Variants in HEPHL1 observed in about 807,000 individuals in gnomAD.
HEPHL1 encodes the protein hephaestin like 1.
In HEPHL1, 123 loss-of-function variants were observed where a neutral mutation model predicts 122.0. That is an observed-to-expected ratio of 1.01 (90% CI 0.87 to 1.17). HEPHL1 has a LOEUF of 1.17. Among genes scored for constraint, HEPHL1 ranks in the 50% most tolerant of loss-of-function variants. The pLI is 0.00. For synonymous variants in HEPHL1, 527 were observed against 508.9 expected (o/e 1.04, Z -0.48); for missense variants, 1,452 against 1,430.5 (o/e 1.01, Z -0.24).
intron 12 of HEPHL1, among the ~76,000 whole-genome samples, chr11:94,090,545 C>A (rs1025258424): frequency 2.6e-5 from 4 of 152,128 alleles, no homozygotes; most frequent in Non-Finnish European, 5.9e-5. Flanking sequence ...CATAATTACA[C>A]CTTCCCCTGT....
At chr11:94,046,091 C>CTTCTTTTTT (rs1555059417) in intron 2 of HEPHL1, among the ~76,000 whole-genome samples, 174 bp downstream of exon 2, 1 of 65,048 alleles carries the variant, frequency 1.5e-5, no homozygotes, top group Admixed American at 3.0e-4. Flanking sequence ...CCCTTTCTTG[C>CTTCTTTTTT]TTTTTTTTTT....
Position 94,045,901 on chromosome 11 carries a change from C to T in HEPHL1, c.399C>T (p.Tyr133=). Residue 133 remains tyrosine (Y), a synonymous_variant, in exon 2 of 20, where the codon TAC becomes TAT. Transcript: ENST00000315765. ...CTCTGCATCCACATGGCGTTTTCTA[C>T]AACAAAGATTCAGAAGGTAAATATC... ...PYSLHPHGVF[Y]NKDSEGALYP... 1 of 1,613,632 alleles carries T rather than the reference C, an allele frequency of 6.2e-7. No homozygotes were observed. Among genetic ancestry groups the T allele is most frequent in the Non-Finnish European group, 8.5e-7 (1 of 1,179,758 alleles).
In HEPHL1 at chr11:94,088,959, G is replaced by GGTACCACAGGCGCCGCCGCT. The variant is rs767309329; in HGVS notation, c.2285_2286insGTACCACAGGCGCCGCCGCT (p.Gly763TyrfsTer7). 1.9e-6 allele frequency: 3 copies of GGTACCACAGGCGCCGCCGCT among 1,613,874 alleles called. No homozygotes were observed. The highest frequency in any genetic ancestry group is 1.6e-4 in the Middle Eastern group (1 of 6,084). On this transcript the variant is annotated frameshift_variant, in exon 12 of 20. Transcript: ENST00000315765. LOFTEE classifies it high-confidence loss of function. ...TTCGAAAAGCAGCACGTGGACGCAA[G>GGTACCACAGGCGCCGCCGCT]AGGGGAAAGGTACCACAGGCGCCGC...
chr11:94,108,039 C>T (rs1424720994), intron 17 of HEPHL1, among the ~76,000 whole-genome samples: 1 of 152,194 alleles, frequency 6.6e-6, no homozygotes, highest in East Asian at 1.9e-4. Context: ...TGCACATCCA[C>T]ATATGCAGTT....
At chr11:94,060,095 TATATATATATATATATATATATATATATA>T (rs1565351624) in intron 2 of HEPHL1, among the ~76,000 whole-genome samples, 42,333 of 135,810 alleles carry the variant, frequency 0.31, 9,003 homozygotes, top group South Asian at 0.41. Flanking sequence ...TATTTTATTA[TATATATATATATATATATATATATATATA>T]TATATATATA....
intron 1 of HEPHL1, among the ~76,000 whole-genome samples, chr11:94,045,126 T>C (rs111405804): frequency 0.01 from 1,541 of 152,318 alleles, 27 homozygotes; most frequent in African/African-American, 0.035. Context: ...CAGGCTGGTC[T>C]CAAACTCCTA....
At chr11:94,050,261 G>A (rs914368058) in intron 2 of HEPHL1, among the ~76,000 whole-genome samples, 4 of 152,164 alleles carry the variant, frequency 2.6e-5, no homozygotes, top group South Asian at 2.1e-4. Flanking sequence ...TTCTACATAC[G>A]GACTTAAGCC....
rs1180021021 is a variant in HEPHL1, at chr11:94,070,492, T to C, written c.1182T>C (p.Ala394=). The change falls in exon 6 of 20, where the codon GCT becomes GCC. Residue 394 remains alanine (A), a synonymous_variant. Transcript: ENST00000315765. ...CTGAAAAAATTCTTTGGGATTATGC[T>C]CCTCAAGGCTATAACAAATTCAGTG... ...IAAEKILWDY[A]PQGYNKFSGL... is the part of the protein sequence containing the mutation. The C allele has an allele frequency of 6.2e-7, 1 of 1,611,188 alleles. No individual in the cohort carries two copies. The highest frequency in any genetic ancestry group is 8.5e-7 in the Non-Finnish European group (1 of 1,178,670).
rs907759306 is a variant in HEPHL1 at position 94,111,997 on chromosome 11, A to C, written c.*103A>C. 4.0e-6 allele frequency: 3 copies of C among 758,002 alleles called. No individual in the cohort carries two copies. The highest frequency in any genetic ancestry group is 3.5e-5 in the African/African-American group (2 of 57,160). The allele number at this position is 758,002 out of a possible 1,614,324, so 47.0% of individuals were successfully genotyped here. On this transcript the variant is annotated 3_prime_UTR_variant, in exon 20 of 20. Coordinates refer to ENST00000315765, the MANE Select transcript of HEPHL1 (RefSeq NM_001098672.2). ...AGGCATCACTCACCAAGGAAGGTTG[A>C]CACTGTATCCTGGATCAGCCTTCTG...
At chr11:94,074,224 C>G (rs1315548469) in intron 8 of HEPHL1, among the ~76,000 whole-genome samples, 1 of 152,082 alleles carries the variant, frequency 6.6e-6, no homozygotes, top group Non-Finnish European at 1.5e-5. Context: ...CCCATCCTCA[C>G]CCTCTCTTGC....
intron 12 of HEPHL1, among the ~76,000 whole-genome samples, chr11:94,093,144 G>A (rs928390494): frequency 6.6e-6 from 1 of 151,522 alleles, no homozygotes; most frequent in Non-Finnish European, 1.5e-5. Flanking sequence ...ACACACACAT[G>A]AAGATGCAAG....
At chr11:94,056,022 T>G (rs1039031636) in intron 2 of HEPHL1, 2 of 645,210 alleles carry the variant, frequency 3.1e-6, no homozygotes, top group South Asian at 1.9e-5. Flanking sequence ...CTCTGTTCTT[T>G]AAATTAAGTC....
intron 12 of HEPHL1, among the ~76,000 whole-genome samples, chr11:94,092,728 G>A (rs963759902): frequency 6.6e-6 from 1 of 152,078 alleles, no homozygotes; most frequent in African/African-American, 2.4e-5. Context: ...GAGCTCAACA[G>A]TGTTAATGCT....
rs549311446 is a variant in HEPHL1, at chr11:94,054,642, G to A, written c.415+8725G>A. Among the ~76,000 whole-genome samples, 16 of 152,254 alleles carry A rather than the reference G, an allele frequency of 1.1e-4. 1 individual carries two copies. The South Asian group carries it at 2.9e-3, about 28-fold the overall frequency. On this transcript the variant is annotated intron_variant, in intron 2 of 19. Coordinates refer to ENST00000315765, the MANE Select transcript of HEPHL1 (RefSeq NM_001098672.2). ...TTTTACCCTCAAATCTTCAATCAAC[G>A]ATAGGATGGAGGCTACATGTGTACT...
intron 6 of HEPHL1, among the ~76,000 whole-genome samples, chr11:94,071,704 T>C (rs1299494681): frequency 6.6e-6 from 1 of 152,104 alleles, no homozygotes; most frequent in Non-Finnish European, 1.5e-5. Context: ...AAGTTACAAA[T>C]AAAAGTGAGG....
intron 2 of HEPHL1, among the ~76,000 whole-genome samples, chr11:94,049,212 A>C (rs1051345190): frequency 3.9e-5 from 6 of 152,142 alleles, no homozygotes; most frequent in African/African-American, 1.4e-4. Flanking sequence ...GGTATATTAA[A>C]AAAATGCTCA....
chr11:94,073,273 T>A (rs372472920), intron 7 of HEPHL1, 35 bp from the exon 8 acceptor site: 20 of 1,608,358 alleles, frequency 1.2e-5, no homozygotes, highest in Non-Finnish European at 1.7e-5. Context: ...TCTCTTTTCA[T>A]TCTCTTCTCT....
At chr11:94,027,764 A>T (rs534047428) in intron 1 of HEPHL1, among the ~76,000 whole-genome samples, 1 of 152,328 alleles carries the variant, frequency 6.6e-6, no homozygotes, top group African/African-American at 2.4e-5. Flanking sequence ...TTGTATATGA[A>T]GGGCTTCTGT....
chr11:94,034,220 C>T (rs1215150902), intron 1 of HEPHL1, among the ~76,000 whole-genome samples: 1 of 152,182 alleles, frequency 6.6e-6, no homozygotes, highest in East Asian at 1.9e-4. Flanking sequence ...ATGTCCTTTC[C>T]TCCATCTGCC....
Sources: allele counts gnomAD v4.1 joint callset (sites outside exome capture counted in the v4.1 genomes callset), GRCh38; gene constraint gnomAD v4.1.1; transcripts MANE v1.5; gene names NCBI Gene and HGNC (gene_info 2026-07-23, HGNC 2026-07-21).